SLC30A10: variants seen among roughly 807,000 people sequenced by gnomAD.
SLC30A10 encodes the protein calcium/manganese antiporter SLC30A10.
In SLC30A10, 8 loss-of-function variants were observed where a neutral mutation model predicts 21.7. The ratio of observed to expected loss-of-function variants is 0.37; its 90% CI spans 0.22 to 0.67. The LOEUF is 0.67. SLC30A10 is among the 30% of genes least tolerant of loss of function. The pLI is 0.58. For synonymous variants in SLC30A10, 272 were observed against 279.4 expected, an observed-to-expected ratio of 0.97 and a Z score of 0.26; for missense variants, 521 against 642.5, an observed-to-expected ratio of 0.81 and a Z score of 2.04.
At chr1:219,944,737 C>T (rs1003026548) in intron 1 of SLC30A10, among the ~76,000 whole-genome samples, 42 of 152,078 alleles carry the variant, frequency 2.8e-4, no homozygotes, top group Admixed American at 2.0e-3. Context: ...TCTATAAAGA[C>T]ATACTCAAAA....
chr1:219,947,655 C>T (rs1049981150), intron 1 of SLC30A10, among the ~76,000 whole-genome samples: 4 of 152,078 alleles, frequency 2.6e-5, no homozygotes, highest in Non-Finnish European at 5.9e-5. Context: ...TATTGCCTCT[C>T]ATTAAAAAAC....
chr1:219,923,213 C>T (rs1433852797), intron 2 of SLC30A10, among the ~76,000 whole-genome samples: 1 of 152,184 alleles, frequency 6.6e-6, no homozygotes, highest in Non-Finnish European at 1.5e-5. Flanking sequence ...ATAAATCTGG[C>T]AGCATTATCT....
At chr1:219,931,373 G>A (rs76244369), upstream of SLC30A10, among the ~76,000 whole-genome samples, 84 of 152,352 alleles carry the variant, frequency 5.5e-4, no homozygotes, top group African/African-American at 2.0e-3. Context: ...GAAAGGGTAA[G>A]TGTTGCCAGA....
intron 1 of SLC30A10, among the ~76,000 whole-genome samples, chr1:219,940,926 C>T (rs957106113): frequency 5.9e-5 from 9 of 152,068 alleles, no homozygotes; most frequent in Admixed American, 2.6e-4. Flanking sequence ...CCCATAAAAC[C>T]CTGACTTCAT....
chr1:219,951,380 CT>C (rs1660268760), intron 1 of SLC30A10, among the ~76,000 whole-genome samples: 2 of 152,096 alleles, frequency 1.3e-5, no homozygotes, highest in South Asian at 2.1e-4. Context: ...ATGTATTTTT[CT>C]TTTTTTAAGT....
chr1:219,926,403 A>T (rs1659826049), intron 2 of SLC30A10, among the ~76,000 whole-genome samples: 1 of 152,152 alleles, frequency 6.6e-6, no homozygotes, highest in Non-Finnish European at 1.5e-5. Context: ...TGGAAGGGAG[A>T]GATGTTGGCT....
At chr1:219,937,907 T>C (rs1362648388) in intron 1 of SLC30A10, among the ~76,000 whole-genome samples, 2 of 152,242 alleles carry the variant, frequency 1.3e-5, no homozygotes, top group African/African-American at 4.8e-5. Flanking sequence ...CACTGCTTCC[T>C]ATATGAGTTT....
At chr1:219,940,067 T>G (rs1472283399) in intron 1 of SLC30A10, among the ~76,000 whole-genome samples, 1 of 152,210 alleles carries the variant, frequency 6.6e-6, no homozygotes, top group Non-Finnish European at 1.5e-5. Flanking sequence ...AAAGGCCGAC[T>G]CTATGTGCTT....
intron 1 of SLC30A10, among the ~76,000 whole-genome samples, chr1:219,937,193 T>G (rs374350912): frequency 9.8e-5 from 15 of 152,370 alleles, no homozygotes; most frequent in African/African-American, 2.9e-4. Context: ...ATCTTGACAT[T>G]GCATGTCGCT....
intron 1 of SLC30A10, among the ~76,000 whole-genome samples, chr1:219,946,407 A>G (rs1380590506): frequency 6.6e-6 from 1 of 152,216 alleles, no homozygotes; most frequent in Non-Finnish European, 1.5e-5. Flanking sequence ...ATGCAGCAGT[A>G]CAGTCCTGAT....
chr1:219,938,780 TGAGA>T (rs113953584), intron 1 of SLC30A10, among the ~76,000 whole-genome samples: 9,233 of 152,176 alleles, frequency 0.061, 730 homozygotes, highest in African/African-American at 0.19. Flanking sequence ...GCAGGAACCT[TGAGA>T]AAGATAAAGA....
rs1435731477 is a variant in SLC30A10 at position 219,922,205 on chromosome 1, T to G, written c.719-3711A>C. On this transcript the variant is annotated intron_variant, in intron 2 of 3. Transcript: ENST00000366926. ...TTTTTTTTTTTTTTTTTTTTTTTTT[T>G]TTTTTTTTTTTTTTTTTTTTTTTTT... 1.5e-3 allele frequency among the ~76,000 whole-genome samples: 119 copies of G among 78,378 alleles called. 8 individuals carry two copies. The highest frequency in any genetic ancestry group is 3.1e-3 in the African/African-American group (68 of 21,998). The allele number at this position is 78,378 out of a possible 152,430, so 51.4% of individuals were successfully genotyped here. A position where few individuals can be genotyped will look rare whatever the true frequency, so the allele number is the denominator to read the frequency against.
chr1:219,929,447 C>T (rs181665612), upstream of SLC30A10, among the ~76,000 whole-genome samples: 3 of 152,320 alleles, frequency 2.0e-5, no homozygotes, highest in Admixed American at 6.5e-5. Flanking sequence ...CTACTCACCC[C>T]CACGTGTCCC....
chr1:219,941,031 T>C (rs1618308), intron 1 of SLC30A10, among the ~76,000 whole-genome samples: 68,538 of 151,954 alleles, frequency 0.45, 15,526 homozygotes, highest in East Asian at 0.57. Context: ...CCAATGAAAA[T>C]GCCAGCCTAC....
chr1:219,945,321 T>C (rs1480455204), intron 1 of SLC30A10, among the ~76,000 whole-genome samples: 1 of 152,206 alleles, frequency 6.6e-6, no homozygotes, highest in African/African-American at 2.4e-5. Context: ...GTAAATTTCT[T>C]GGTTTGGAAA....
At chr1:219,957,337 C>A (rs2047450) in intron 1 of SLC30A10, among the ~76,000 whole-genome samples, 70,505 of 152,022 alleles carry the variant, frequency 0.46, 16,433 homozygotes, top group South Asian at 0.53. Flanking sequence ...CGTAATTTAT[C>A]ATAGTAGCAA....
chr1:219,926,980 A>C (rs746661950), intron 2 of SLC30A10, 48 bp downstream of exon 2: 9 of 1,413,320 alleles, frequency 6.4e-6, no homozygotes, highest in Non-Finnish European at 9.0e-6. Flanking sequence ...AACACAGTCC[A>C]TGTGTGTCAT....
intron 1 of SLC30A10, among the ~76,000 whole-genome samples, chr1:219,943,133 C>G (rs760536119): frequency 2.0e-5 from 3 of 152,012 alleles, no homozygotes; most frequent in Non-Finnish European, 4.4e-5. Flanking sequence ...TAAACAGAAT[C>G]AGACATGCAA....
At chr1:219,933,623 G>A (rs919569357), upstream of SLC30A10, among the ~76,000 whole-genome samples, 2 of 152,228 alleles carry the variant, frequency 1.3e-5, no homozygotes, top group Admixed American at 6.5e-5. Context: ...TAAATTGCTT[G>A]GGATAGTGCC....
Sources: allele counts gnomAD v4.1 joint callset (sites outside exome capture counted in the v4.1 genomes callset), GRCh38; gene constraint gnomAD v4.1.1; transcripts MANE v1.5; gene names NCBI Gene and HGNC (gene_info 2026-07-23, HGNC 2026-07-21).